Variants in GRM3 observed in about 807,000 individuals in gnomAD.
The protein encoded by GRM3 is glutamate metabotropic receptor 3, also known as metabotropic glutamate receptor 3.
GRM3 carries 26 observed loss-of-function variants against 70.5 expected under a neutral mutation model. That is an observed-to-expected ratio of 0.37 (90% CI 0.27 to 0.51). GRM3 has a LOEUF of 0.51. GRM3 is among the 20% of genes least tolerant of loss of function. The pLI is 0.93. For synonymous variants in GRM3, 443 were observed against 434.9 expected (o/e 1.02, Z -0.23); for missense variants, 859 against 1,123.8 (o/e 0.76, Z 3.37).
intron 1 of GRM3, among the ~76,000 whole-genome samples, chr7:86,650,412 T>G (rs1191944037): frequency 6.6e-6 from 1 of 152,082 alleles, no homozygotes; most frequent in African/African-American, 2.4e-5. Context: ...ATTCAACAAG[T>G]GTTTTCTGAG....
rs551392721 is a variant in GRM3, at chr7:86,707,382, C to T, written c.-140-57624C>T. Among the ~76,000 whole-genome samples, 11 of 152,150 alleles carry T rather than the reference C, an allele frequency of 7.2e-5. No individual in the cohort carries two copies. The East Asian group carries it at 2.1e-3, about 29-fold the overall frequency. On this transcript the variant is annotated intron_variant, in intron 1 of 5. Coordinates refer to ENST00000361669, the MANE Select transcript of GRM3 (RefSeq NM_000840.3). ...ATGAGGCGAATAATGATACCTCCTC[C>T]TAAGATTGCTGTGATGAATTAAGGA...
Position 86,838,849 on chromosome 7 carries a change from C to G in GRM3, c.1335C>G (p.Asn445Lys). Residue 445 changes from asparagine to lysine, a missense_variant, in exon 4 of 6, where the codon AAC becomes AAG. Asn to Lys is a moderately conservative substitution (Grantham distance 94, BLOSUM62 0). Transcript: ENST00000361669. The stretch of plus-strand genomic sequence containing the variant: ...CTTTACATATCACAGCTCCATTCAA[C>G]CCAAATAAAGATGCAGATAGCATAG... Reference protein sequence around the residue: ...LLKINFTAPFNPNKDADSIVK... With the variant: ...LLKINFTAPFKPNKDADSIVK... 1 of 1,599,994 alleles carries G rather than the reference C, an allele frequency of 6.3e-7. No homozygotes were observed. The highest frequency in any genetic ancestry group is 8.5e-7 in the Non-Finnish European group (1 of 1,169,772).
intron 3 of GRM3, among the ~76,000 whole-genome samples, chr7:86,808,476 TC>T (rs1177044287): frequency 1.3e-5 from 2 of 150,588 alleles, no homozygotes; most frequent in African/African-American, 5.0e-5. Flanking sequence ...CCCACCCTCT[TC>T]TGTAGCTTTT....
chr7:86,808,224 C>T (rs1562870980), intron 3 of GRM3, among the ~76,000 whole-genome samples: 1 of 152,106 alleles, frequency 6.6e-6, no homozygotes, highest in South Asian at 2.1e-4. Flanking sequence ...TGCTGTGTCT[C>T]TGCCAGGCAT....
intron 1 of GRM3, among the ~76,000 whole-genome samples, chr7:86,715,033 A>G (rs565439121): frequency 3.2e-4 from 48 of 152,140 alleles, no homozygotes; most frequent in African/African-American, 1.1e-3. Context: ...ATTGCTTTTA[A>G]TAAGTGTCCC....
At chr7:86,737,627 C>T (rs1477894423) in intron 1 of GRM3, among the ~76,000 whole-genome samples, 6 of 152,130 alleles carry the variant, frequency 3.9e-5, no homozygotes. Context: ...CTTTAGTCTA[C>T]CATAGTTTAC....
chr7:86,767,411 A>G lies in GRM3; in HGVS notation c.468+1798A>G, dbSNP rs542191085. On this transcript the variant is annotated intron_variant, in intron 2 of 5. Coordinates refer to ENST00000361669, the MANE Select transcript of GRM3 (RefSeq NM_000840.3). ...TCACTAGATGGATAGAAAATATTGC[A>G]CATATGAAAGCACATCATGTTAATT... Among the ~76,000 whole-genome samples, 7 of 151,020 alleles carry G rather than the reference A, an allele frequency of 4.6e-5. No individual in the cohort carries two copies. In the South Asian group the frequency reaches 6.3e-4, roughly 14 times the overall value.
chr7:86,715,772 G>A (rs939745245), intron 1 of GRM3, among the ~76,000 whole-genome samples: 2 of 151,958 alleles, frequency 1.3e-5, no homozygotes, highest in African/African-American at 4.8e-5. Context: ...CAAAATGCTG[G>A]CTTACTCTAA....
At chr7:86,691,936 A>T (rs1335056183) in intron 1 of GRM3, among the ~76,000 whole-genome samples, 29 of 152,176 alleles carry the variant, frequency 1.9e-4, no homozygotes. Flanking sequence ...AGACAAACTG[A>T]TTAATGTCCT....
intron 1 of GRM3, among the ~76,000 whole-genome samples, chr7:86,680,723 C>T (rs1349702521): frequency 6.6e-6 from 1 of 152,110 alleles, no homozygotes; most frequent in Non-Finnish European, 1.5e-5. Flanking sequence ...AAATAAGAAG[C>T]CCAAGTTTCA....
chr7:86,659,902 A>C (rs1584144846), intron 1 of GRM3, among the ~76,000 whole-genome samples: 2 of 152,170 alleles, frequency 1.3e-5, no homozygotes, highest in South Asian at 2.1e-4. Context: ...GGTGAATTTG[A>C]AGCAAAAAAA....
chr7:86,781,938 A>G (rs1797075483), intron 2 of GRM3, among the ~76,000 whole-genome samples: 1 of 152,084 alleles, frequency 6.6e-6, no homozygotes, highest in Non-Finnish European at 1.5e-5. Context: ...AATGTCACCA[A>G]TAACTTATTA....
At position 86,839,494 on chromosome 7, in the gene GRM3, G is replaced by A. The variant is rs1471005585; in HGVS notation, c.1980G>A (p.Leu660=). Residue 660 remains leucine (L), a synonymous_variant, in exon 4 of 6, where the codon CTG becomes CTA. Coordinates refer to ENST00000361669, the MANE Select transcript of GRM3 (RefSeq NM_000840.3). This position sits in a 1 kb window ranked among gnomAD's most constrained non-coding sequence, Gnocchi z 4.5. ...SSFAICYSAL[L]TKTNCIARIF... ...TCGCTATCTGTTACTCAGCCCTGCTGACCAAGACAAACTGCATTGCCCGCA... is the reference window on the plus strand; with the variant it reads ...TCGCTATCTGTTACTCAGCCCTGCTAACCAAGACAAACTGCATTGCCCGCA... 1.2e-6 allele frequency: 2 copies of A among 1,609,550 alleles called. No homozygotes were observed. The highest frequency in any genetic ancestry group is 1.7e-6 in the Non-Finnish European group (2 of 1,177,422).
At chr7:86,859,132 A>C (rs1480078291) in intron 5 of GRM3, among the ~76,000 whole-genome samples, 2 of 151,944 alleles carry the variant, frequency 1.3e-5, no homozygotes, top group Non-Finnish European at 2.9e-5. Context: ...TGCCCAGCTA[A>C]ATTTTTTTAG....
Position 86,718,683 on chromosome 7 carries a change from A to G in GRM3, c.-140-46323A>G, listed in dbSNP as rs151104545. ...GATGGTGTAGAGAAAAGAGTGTCAA[A>G]CTAGAAATCAGAACACCCGGGTGAC... On this transcript the variant is annotated intron_variant, in intron 1 of 5. Coordinates refer to ENST00000361669, the MANE Select transcript of GRM3 (RefSeq NM_000840.3). Among the ~76,000 whole-genome samples, 618 of 152,076 alleles carry G rather than the reference A, an allele frequency of 4.1e-3. 5 individuals are homozygous for G. Among genetic ancestry groups the G allele is most frequent in the African/African-American group, 0.014 (578 of 41,510 alleles).
chr7:86,677,355 C>G lies in GRM3; in HGVS notation c.-141+32483C>G, dbSNP rs184431205. Among the ~76,000 whole-genome samples, 29 of 152,104 alleles carry G rather than the reference C, an allele frequency of 1.9e-4. No individual in the cohort carries two copies. The East Asian group carries it at 5.2e-3, about 27-fold the overall frequency. ...TGATGTCCTGCCTAAGTCTAATAAG[C>G]TGATCAGAACCACACTACTCTCCCT... is the stretch of plus-strand genomic sequence containing the variant. On this transcript the variant is annotated intron_variant, in intron 1 of 5. Coordinates refer to ENST00000361669, the MANE Select transcript of GRM3 (RefSeq NM_000840.3).
chr7:86,744,391 G>T (rs1796056647), intron 1 of GRM3, among the ~76,000 whole-genome samples: 2 of 151,386 alleles, frequency 1.3e-5, no homozygotes, highest in Admixed American at 6.6e-5. Context: ...CAAATATTCT[G>T]GGCCCCTTAA....
At chr7:86,745,592 T>C (rs1796083135) in intron 1 of GRM3, among the ~76,000 whole-genome samples, 1 of 152,120 alleles carries the variant, frequency 6.6e-6, no homozygotes. Context: ...AATGACTTCC[T>C]GCAGAGCTTC....
intron 1 of GRM3, among the ~76,000 whole-genome samples, chr7:86,725,945 A>G (rs1185451282): frequency 3.3e-5 from 5 of 152,178 alleles, no homozygotes; most frequent in African/African-American, 7.2e-5. Context: ...TTTATAAGAC[A>G]CTGCCCTCAT....
Sources: gnomAD v4.1 joint callset for allele counts (sites outside exome capture counted in the v4.1 genomes callset) on GRCh38, gnomAD v4.1.1 for gene constraint, Gnocchi (gnomAD v3.1) non-coding constraint, MANE v1.5 for transcripts, NCBI Gene and HGNC (gene_info 2026-07-23, HGNC 2026-07-21) for gene names.